The following TENM3 variants were observed in gnomAD, a reference collection of about 807,000 sequenced individuals.
TENM3 encodes the protein teneurin-3.
A neutral mutation model predicts 255.1 loss-of-function variants in TENM3; 63 were observed. That is an observed-to-expected ratio of 0.25 (90% CI 0.20 to 0.30). The LOEUF (loss-of-function observed/expected upper bound fraction) is 0.30, where lower values mean the gene tolerates loss of function less well. Among genes scored for constraint, TENM3 ranks in the 10% least tolerant of loss-of-function variants. The pLI is 1.00. For missense variants in TENM3, 2,929 were observed against 3,461.1 expected, an observed-to-expected ratio of 0.85 and a Z score of 3.86; for synonymous variants, 1,306 against 1,322.3, an observed-to-expected ratio of 0.99 and a Z score of 0.27.
chr4:181,666,644 ATAT>A, the TENM3 span, among the ~76,000 whole-genome samples: 1 of 152,298 alleles, frequency 6.6e-6, no homozygotes, highest in Non-Finnish European at 1.5e-5. Context: ...AAGCTTGCAT[ATAT>A]TATTAAAACT....
At chr4:181,850,614 ATAT>A in the TENM3 span, among the ~76,000 whole-genome samples, 1 of 152,274 alleles carries the variant, frequency 6.6e-6, no homozygotes, top group Non-Finnish European at 1.5e-5. Flanking sequence ...TGCTATAAAA[ATAT>A]TATTTGCATG....
At chr4:182,185,496 GA>G (rs1182707072) in intron 1 of TENM3, among the ~76,000 whole-genome samples, 1 of 151,892 alleles carries the variant, frequency 6.6e-6, no homozygotes, top group Non-Finnish European at 1.5e-5. Context: ...AACTAAAAAA[GA>G]AAAAAAACTT....
chr4:182,531,597 G>A (rs1370681415), intron 3 of TENM3, among the ~76,000 whole-genome samples: 1 of 152,150 alleles, frequency 6.6e-6, no homozygotes, highest in African/African-American at 2.4e-5. Context: ...GTCAGCAAAA[G>A]GAAAAGACAT....
At chr4:182,741,540 G>C (rs1039764693) in intron 18 of TENM3, among the ~76,000 whole-genome samples, 12 of 152,226 alleles carry the variant, frequency 7.9e-5, no homozygotes, top group Non-Finnish European at 1.8e-4. Context: ...AGATGTTGTA[G>C]AGCGGTAGTC....
intron 3 of TENM3, among the ~76,000 whole-genome samples, chr4:182,366,347 C>A: frequency 6.6e-6 from 1 of 151,444 alleles, no homozygotes; most frequent in East Asian, 1.9e-4. Flanking sequence ...TATATTTTTT[C>A]TTTATTTATA....
intron 3 of TENM3, among the ~76,000 whole-genome samples, chr4:182,385,680 TG>T (rs1022022892): frequency 6.6e-6 from 1 of 152,208 alleles, no homozygotes; most frequent in South Asian, 2.1e-4. Context: ...GTAAACTAAA[TG>T]GGAAATGAAA....
chr4:181,488,105 T>C, the TENM3 span, among the ~76,000 whole-genome samples: 33 of 152,290 alleles, frequency 2.2e-4, no homozygotes, highest in African/African-American at 7.7e-4. Flanking sequence ...AGGCAGCCAG[T>C]TGGATTCTTC....
At chr4:182,232,554 T>C (rs7675808) in intron 1 of TENM3, among the ~76,000 whole-genome samples, 39,452 of 152,048 alleles carry the variant, frequency 0.26, 6,356 homozygotes, top group South Asian at 0.43. Context: ...CGAAACCCCA[T>C]GTCTACTAAA....
the TENM3 span, among the ~76,000 whole-genome samples, chr4:181,861,354 C>G: frequency 6.6e-6 from 1 of 152,032 alleles, no homozygotes; most frequent in African/African-American, 2.4e-5. Context: ...AACATTCCGC[C>G]TTTCGATCTT....
At chr4:182,307,554 A>T (rs1762207019) in intron 1 of TENM3, among the ~76,000 whole-genome samples, 1 of 152,316 alleles carries the variant, frequency 6.6e-6, no homozygotes, top group Non-Finnish European at 1.5e-5. Flanking sequence ...TTAAATTTAA[A>T]ATCCTCCTGA....
the TENM3 span, among the ~76,000 whole-genome samples, chr4:182,035,405 T>G: frequency 6.6e-6 from 1 of 152,200 alleles, no homozygotes; most frequent in African/African-American, 2.4e-5. Context: ...TAATAGCATT[T>G]TTTGGTCTCA....
the TENM3 span, among the ~76,000 whole-genome samples, chr4:181,940,979 C>T: frequency 1.3e-5 from 2 of 152,168 alleles, no homozygotes; most frequent in African/African-American, 4.8e-5. Context: ...AATTGAATAC[C>T]GGGTGTGAGA....
chr4:182,657,519 A>T (rs951294596), intron 6 of TENM3, among the ~76,000 whole-genome samples: 3 of 152,130 alleles, frequency 2.0e-5, no homozygotes, highest in Admixed American at 1.3e-4. Context: ...GAATGTCCTC[A>T]TTCTACTGAT....
At chr4:182,677,488 A>G (rs76477084) in intron 7 of TENM3, among the ~76,000 whole-genome samples, 3,106 of 152,318 alleles carry the variant, frequency 0.02, 101 homozygotes, top group African/African-American at 0.071. Flanking sequence ...TCTCTTTGCC[A>G]TGCAAATGTG....
intron 3 of TENM3, among the ~76,000 whole-genome samples, chr4:182,463,448 A>G: frequency 6.6e-6 from 1 of 151,922 alleles, no homozygotes; most frequent in South Asian, 2.1e-4. Context: ...CAATGGGTGC[A>G]ATACTTTAGA....
the TENM3 span, among the ~76,000 whole-genome samples, chr4:181,624,711 A>G: frequency 1.3e-5 from 2 of 152,206 alleles, no homozygotes; most frequent in Admixed American, 6.5e-5. Context: ...ATAATGAACC[A>G]CCTCAAAACT....
At chr4:181,907,764 C>A in the TENM3 span, among the ~76,000 whole-genome samples, 1 of 152,084 alleles carries the variant, frequency 6.6e-6, no homozygotes, top group Non-Finnish European at 1.5e-5. Context: ...ATAGAGCAAG[C>A]GGGATCTGAG....
At chr4:181,751,703 T>A in the TENM3 span, among the ~76,000 whole-genome samples, 1 of 152,100 alleles carries the variant, frequency 6.6e-6, no homozygotes, top group Non-Finnish European at 1.5e-5. Flanking sequence ...ACAGAAAAAA[T>A]CCTACGGTTG....
Position 182,309,186 on chromosome 4 carries a change from C to T in TENM3, c.-75-14760C>T, listed in dbSNP as rs900137178. 3.3e-5 allele frequency among the ~76,000 whole-genome samples: 5 copies of T among 152,186 alleles called. No homozygotes were observed. In the South Asian group the frequency reaches 6.2e-4, roughly 19 times the overall value. ...AAGGAGGAAGTGGGGTTTGGGAATT[C>T]GTCTGTCCACTGACAGATGCCATGT... is the stretch of plus-strand genomic sequence containing the variant. On this transcript the variant is annotated intron_variant, in intron 1 of 27. Transcript: ENST00000511685.
Sources: allele counts gnomAD v4.1 joint callset (sites outside exome capture counted in the v4.1 genomes callset), GRCh38; gene constraint gnomAD v4.1.1; transcripts MANE v1.5; gene names NCBI Gene and HGNC (gene_info 2026-07-23, HGNC 2026-07-21).